The following ARMC8 variants were observed in gnomAD, a reference collection of about 807,000 sequenced individuals.
The protein encoded by ARMC8 is armadillo repeat containing 8.
Under a neutral mutation model 99.3 loss-of-function variants are expected in ARMC8, and 20 were observed. That is an observed-to-expected ratio of 0.20 (90% CI 0.14 to 0.29). ARMC8 has a LOEUF of 0.29. Among genes scored for constraint, ARMC8 ranks in the 10% least tolerant of loss-of-function variants. The pLI is 1.00. For missense variants in ARMC8, 569 were observed against 809.5 expected, an observed-to-expected ratio of 0.70 and a Z score of 3.60; for synonymous variants, 263 against 278.3, an observed-to-expected ratio of 0.95 and a Z score of 0.55.
intron 10 of ARMC8, 24 bp downstream of exon 10, chr3:138,239,552 A>G: frequency 6.8e-7 from 1 of 1,478,292 alleles, no homozygotes; most frequent in South Asian, 1.3e-5. Context: ...TTATCTTTAA[A>G]ATGTGAAAAT....
At chr3:138,281,269 T>G (rs896496786) in intron 18 of ARMC8, among the ~76,000 whole-genome samples, 10 of 151,522 alleles carry the variant, frequency 6.6e-5, no homozygotes, top group African/African-American at 2.2e-4. Flanking sequence ...ACATATTCAA[T>G]GAGTTGGCCC....
chr3:138,187,738 CGAGGGTGGAG>C (rs2043144831), intron 1 of ARMC8, 139 bp downstream of exon 1: 8 of 944,912 alleles, frequency 8.5e-6, no homozygotes, highest in Middle Eastern at 2.9e-4. Flanking sequence ...AGGGAGTGAG[CGAGGGTGGAG>C]AGGCGGGATA....
At chr3:138,256,400 TTC>T (rs1485538340) in intron 12 of ARMC8, among the ~76,000 whole-genome samples, 8 of 145,084 alleles carry the variant, frequency 5.5e-5, no homozygotes, top group Non-Finnish European at 1.2e-4. Flanking sequence ...TTTTTCCTCC[TTC>T]TTTTTTTTTT....
chr3:138,246,099 A>T, intron 12 of ARMC8: 1 of 985,296 alleles, frequency 1.0e-6, no homozygotes, highest in Non-Finnish European at 1.2e-6. Context: ...TGATTCAGAG[A>T]AGTTCTTCAG....
At chr3:138,250,348 A>G (rs2047066826) in intron 12 of ARMC8, among the ~76,000 whole-genome samples, 1 of 152,138 alleles carries the variant, frequency 6.6e-6, no homozygotes, top group Admixed American at 6.5e-5. Flanking sequence ...ATTTTTAAGT[A>G]TATTAAAAGA....
intron 9 of ARMC8, chr3:138,238,620 CT>C (rs1204421972): frequency 1.3e-5 from 2 of 151,978 alleles, no homozygotes; most frequent in African/African-American, 4.8e-5. Context: ...GAGCATTTGC[CT>C]CTGTCAGTAA....
At chr3:138,245,278 CTGTT>C (rs1402090208) in intron 12 of ARMC8, 95 bp downstream of exon 12, 1 of 1,612,544 alleles carries the variant, frequency 6.2e-7, no homozygotes, top group Admixed American at 1.7e-5. Flanking sequence ...CTAACAGTGA[CTGTT>C]TGAATATAAT....
At chr3:138,279,994 C>T (rs928126197) in intron 18 of ARMC8, among the ~76,000 whole-genome samples, 22 of 151,526 alleles carry the variant, frequency 1.5e-4, no homozygotes, top group Middle Eastern at 3.2e-3. Flanking sequence ...ACCTCTGCCT[C>T]CCGGGTTCAA....
At chr3:138,239,141 TC>T (rs1289656043) in intron 9 of ARMC8, 2 of 193,720 alleles carry the variant, frequency 1.0e-5, no homozygotes, top group African/African-American at 4.7e-5. Flanking sequence ...TATGGAAAAT[TC>T]TGAAGTATAA....
At chr3:138,214,412 T>A (rs1336411350) in intron 2 of ARMC8, among the ~76,000 whole-genome samples, 2 of 151,984 alleles carry the variant, frequency 1.3e-5, no homozygotes, top group Admixed American at 1.3e-4. Flanking sequence ...TTTAATGTAC[T>A]GATGATATGA....
chr3:138,266,025 A>G (rs1321623598), intron 14 of ARMC8, among the ~76,000 whole-genome samples: 1 of 152,174 alleles, frequency 6.6e-6, no homozygotes, highest in East Asian at 1.9e-4. Context: ...TCTAGTCTAA[A>G]CAAGTGTCAC....
In ARMC8 at chr3:138,263,776, C is replaced by A; in HGVS notation, c.1172C>A (p.Thr391Asn). Residue 391 changes from threonine to asparagine, a missense_variant, in exon 13 of 22, where the codon ACT becomes AAT. Thr to Asn is a moderately conservative substitution (Grantham distance 65). This residue lies in a region of ARMC8 where 227 missense variants were observed against 417.9 expected (regional missense o/e 0.54). Coordinates refer to ENST00000469044, the MANE Select transcript of ARMC8 (RefSeq NM_001363941.2). ...GAAAATATGATGGACCGAATTGTGA[C>A]TGGCTTGTCTGAGTCTAGTGTCAAG... ...ETENMMDRIV[T>N]GLSESSVKVR... is the part of the protein sequence containing the mutation. The A allele has an allele frequency of 6.2e-7, 1 of 1,614,050 alleles. No homozygotes were observed.
chr3:138,274,386 G>A lies in ARMC8; in HGVS notation c.1630-63G>A, dbSNP rs2049075063. The A allele has an allele frequency of 1.2e-5, 13 of 1,080,398 alleles. No individual in the cohort carries two copies. In the East Asian group the frequency reaches 3.1e-4, roughly 26 times the overall value. The allele number at this position is 1,080,398 out of a possible 1,614,324, so 66.9% of individuals were successfully genotyped here. A position where few individuals can be genotyped will look rare whatever the true frequency, so the allele number is the denominator to read the frequency against. On this transcript the variant is annotated intron_variant, in intron 17 of 21. Coordinates refer to ENST00000469044, the MANE Select transcript of ARMC8 (RefSeq NM_001363941.2). ...AATCATATTGTTTTAACTTTTAGAAGCCTTGTATTCGTCCTGTGGTCTTTG... is the reference window on the plus strand; with the variant it reads ...AATCATATTGTTTTAACTTTTAGAAACCTTGTATTCGTCCTGTGGTCTTTG...
chr3:138,267,754 A>G (rs1039258323), intron 15 of ARMC8, among the ~76,000 whole-genome samples: 1 of 152,110 alleles, frequency 6.6e-6, no homozygotes, highest in Non-Finnish European at 1.5e-5. Context: ...TTTTAATAGG[A>G]AAAACTAAAA....
intron 12 of ARMC8, among the ~76,000 whole-genome samples, chr3:138,247,540 A>G (rs1401726123): frequency 3.9e-5 from 6 of 152,232 alleles, no homozygotes; most frequent in Admixed American, 3.9e-4. Flanking sequence ...ATGAGAACAT[A>G]ATTCAATACA....
intron 12 of ARMC8, among the ~76,000 whole-genome samples, chr3:138,259,809 A>G (rs2047592124): frequency 6.6e-6 from 1 of 152,182 alleles, no homozygotes; most frequent in South Asian, 2.1e-4. Context: ...AGAAAGCGCA[A>G]AGCTACACTC....
intron 16 of ARMC8, among the ~76,000 whole-genome samples, chr3:138,272,658 C>T (rs145894247): frequency 4.5e-4 from 69 of 152,248 alleles, no homozygotes; most frequent in African/African-American, 1.5e-3. Context: ...AAGTGGATCA[C>T]GAGGTCAGGA....
At chr3:138,192,727 G>T (rs1207461255) in intron 1 of ARMC8, among the ~76,000 whole-genome samples, 1 of 151,808 alleles carries the variant, frequency 6.6e-6, no homozygotes, top group Non-Finnish European at 1.5e-5. Flanking sequence ...TGTAGACGGG[G>T]TTTCACCATG....
intron 2 of ARMC8, among the ~76,000 whole-genome samples, chr3:138,216,045 ATTT>A (rs755521341): frequency 3.1e-5 from 4 of 128,522 alleles, no homozygotes; most frequent in Admixed American, 7.9e-5. Flanking sequence ...TGCCCAGCTA[ATTT>A]TTTTTTTTTT....
Sources: gnomAD v4.1 joint callset for allele counts (sites outside exome capture counted in the v4.1 genomes callset) on GRCh38, gnomAD v4.1.1 for gene constraint, gnomAD v4.1.1 regional missense constraint, MANE v1.5 for transcripts, NCBI Gene and HGNC (gene_info 2026-07-23, HGNC 2026-07-21) for gene names.